Variants in KIAA1755 observed in about 807,000 individuals in gnomAD.
KIAA1755 encodes the protein uncharacterized protein KIAA1755.
KIAA1755 carries 68 observed loss-of-function variants against 91.7 expected under a neutral mutation model. That is an observed-to-expected ratio of 0.74 (90% CI 0.61 to 0.91). The LOEUF is 0.91. Among genes scored for constraint, KIAA1755 ranks in the 40% least tolerant of loss-of-function variants. The pLI is 0.00. For missense variants in KIAA1755, 1,535 were observed against 1,494.4 expected (o/e 1.03, Z -0.45); for synonymous variants, 610 against 604.6 (o/e 1.01, Z -0.13).
At chr20:38,219,834 C>T (rs1600572373) in intron 10 of KIAA1755, 66 bp from the exon 11 acceptor site, 7 of 1,580,080 alleles carry the variant, frequency 4.4e-6, no homozygotes, top group African/African-American at 2.7e-5. Flanking sequence ...ACTTCTGTCC[C>T]GCATAGGCCT....
rs777023050 is a variant in KIAA1755 at position 38,246,142 on chromosome 20, G to A, written c.4-16C>T. 2.5e-6 allele frequency: 4 copies of A among 1,605,524 alleles called. No homozygotes were observed. In the African/African-American group the frequency reaches 5.4e-5, roughly 21 times the overall value. On this transcript the variant is annotated splice_polypyrimidine_tract_variant and intron_variant, in intron 1 of 13. Coordinates refer to ENST00000279024, the MANE Select transcript of KIAA1755 (RefSeq NM_001029864.2). ...ATGGAGGGTCCTGTGGGGGACAGGA[G>A]GAGGGGGTGATAATAGCAATGATAA...
chr20:38,260,230 G>C (rs950598759), intron 1 of KIAA1755: 13 of 1,518,206 alleles, frequency 8.6e-6, no homozygotes, highest in Non-Finnish European at 1.1e-5. Context: ...CTCAGGTCTA[G>C]GGGTTGGGGA....
Position 38,239,599 on chromosome 20 carries a change from G to A in KIAA1755, c.1676C>T (p.Pro559Leu), listed in dbSNP as rs981410680. ...PERGPTLEEEPPGPEPRIGAL... is the reference protein window; with the variant it reads ...PERGPTLEEELPGPEPRIGAL... ...CCCAATCCTGGGCTCAGGCCCTGGG[G>A]GCTCCTCCTCCAGGGTGGGGCCTCT... is the stretch of plus-strand genomic sequence containing the variant. The change falls in exon 4 of 14, where the codon CCC (proline) becomes CTC (leucine). Residue 559 changes from proline (P) to leucine (L), a missense_variant. Physicochemically the swap from Pro to Leu is moderately conservative, Grantham distance 98 (BLOSUM62 -3). Coordinates refer to ENST00000279024, the MANE Select transcript of KIAA1755 (RefSeq NM_001029864.2). 6.2e-7 allele frequency: 1 copy of A among 1,607,748 alleles called. No homozygotes were observed. The highest frequency in any genetic ancestry group is 1.3e-5 in the African/African-American group (1 of 74,480).
chr20:38,239,683 G>A lies in KIAA1755; in HGVS notation c.1592C>T (p.Pro531Leu). 6.2e-7 allele frequency: 1 copy of A among 1,612,330 alleles called. No individual in the cohort carries two copies. The highest frequency in any genetic ancestry group is 1.1e-5 in the South Asian group (1 of 90,906). Residue 531 changes from proline (P) to leucine (L), a missense_variant, in exon 4 of 14, where the codon CCC becomes CTC. Pro to Leu is a moderately conservative substitution (Grantham distance 98, BLOSUM62 -3). Transcript: ENST00000279024. ...QTKTSGPATA[P>L]SPLTEEKAAL... ...AGCCTTTTCCTCAGTCAGTGGGCTG[G>A]GGGCAGTGGCTGGGCCAGATGTTTT... is the stretch of plus-strand genomic sequence containing the variant.
At chr20:38,216,952 T>G in intron 13 of KIAA1755, 7 of 614,060 alleles carry the variant, frequency 1.1e-5, no homozygotes, top group African/African-American at 1.8e-5. Flanking sequence ...CACAGACACA[T>G]CTATGTTCAA....
intron 12 of KIAA1755, 94 bp from the exon 13 acceptor site, chr20:38,217,568 C>T: frequency 2.4e-6 from 2 of 839,716 alleles, no homozygotes; most frequent in Non-Finnish European, 3.7e-6. Flanking sequence ...TGCTGGCGAG[C>T]CAGGAGACTT....
chr20:38,217,739 G>A (rs762508756), intron 12 of KIAA1755: 21 of 556,788 alleles, frequency 3.8e-5, no homozygotes, highest in Non-Finnish European at 5.4e-5. Flanking sequence ...GCCGGGCTCT[G>A]CTTAGATGTT....
At position 38,241,317 on chromosome 20, in the gene KIAA1755, C is replaced by G; in HGVS notation, c.814G>C (p.Glu272Gln). The G allele has an allele frequency of 6.2e-7, 1 of 1,614,178 alleles. No homozygotes were observed. The highest frequency in any genetic ancestry group is 8.5e-7 in the Non-Finnish European group (1 of 1,180,038). Residue 272 changes from glutamate (E) to glutamine (Q), a missense_variant, in exon 3 of 14, where the codon GAG (glutamate) becomes CAG (glutamine). Coordinates refer to ENST00000279024, the MANE Select transcript of KIAA1755 (RefSeq NM_001029864.2). ...RMDEVVSQDFEGDYVALLGFS... is the reference protein window; with the variant it reads ...RMDEVVSQDFQGDYVALLGFS... ...CCTAGGAGAGCCACATAGTCTCCCT[C>G]GAAGTCCTGGCTGACCACCTCGTCC...
Position 38,212,400 on chromosome 20 carries a change from C to G in KIAA1755, c.*642G>C, listed in dbSNP as rs1347935187. 1.3e-5 allele frequency: 2 copies of G among 152,210 alleles called. No individual in the cohort carries two copies. The highest frequency in any genetic ancestry group is 2.9e-5 in the Non-Finnish European group (2 of 68,102). The allele number at this position is 152,210 out of a possible 1,614,324, so 9.4% of individuals were successfully genotyped here. On this transcript the variant is annotated 3_prime_UTR_variant, in exon 14 of 14. Coordinates refer to ENST00000279024, the MANE Select transcript of KIAA1755 (RefSeq NM_001029864.2). Reference sequence around the variant, plus strand: ...TTGAGCCCAGGAGTTTGAGACCAGCCTGGGCAATGTAGTGAGGCCCCATCT... The same window carrying G: ...TTGAGCCCAGGAGTTTGAGACCAGCGTGGGCAATGTAGTGAGGCCCCATCT...
chr20:38,259,820 C>CA (rs367702495), intron 1 of KIAA1755, among the ~76,000 whole-genome samples: 177 of 138,794 alleles, frequency 1.3e-3, no homozygotes, highest in African/African-American at 4.8e-3. Context: ...ACCACCACCA[C>CA]CACACACACA....
chr20:38,240,952 T>C lies in KIAA1755; in HGVS notation c.1179A>G (p.Gln393=). The change falls in exon 3 of 14, where the codon CAA becomes CAG. Residue 393 remains glutamine (Q), a synonymous_variant. Transcript: ENST00000279024. The part of the protein sequence containing the change: ...CASGLRAGVS[Q]EPAASKMQGP... ...CCTGCATCTTGGAGGCAGCTGGCTC[T>C]TGTGAGACACCTGCCCTGAGACCAG... 1 of 1,614,102 alleles carries C rather than the reference T, an allele frequency of 6.2e-7. No individual in the cohort carries two copies. Among genetic ancestry groups the C allele is most frequent in the South Asian group, 1.1e-5 (1 of 91,086 alleles).
intron 13 of KIAA1755, among the ~76,000 whole-genome samples, chr20:38,216,243 G>C (rs1396738640): frequency 6.6e-6 from 1 of 152,222 alleles, no homozygotes; most frequent in African/African-American, 2.4e-5. Context: ...CCTGTATCGT[G>C]CTCTTAACTG....
At chr20:38,230,535 G>A (rs1032118277) in intron 5 of KIAA1755, among the ~76,000 whole-genome samples, 1 of 152,158 alleles carries the variant, frequency 6.6e-6, no homozygotes, top group Non-Finnish European at 1.5e-5. Context: ...CAGAAAATCT[G>A]GGGGATGGGC....
chr20:38,239,689 G>A lies in KIAA1755; in HGVS notation c.1586C>T (p.Thr529Ile), dbSNP rs1213505258. 1.9e-6 allele frequency: 3 copies of A among 1,612,390 alleles called. No homozygotes were observed. The highest frequency in any genetic ancestry group is 2.5e-6 in the Non-Finnish European group (3 of 1,179,744). ...TTQTKTSGPA[T>I]APSPLTEEKA... ...TTCCTCAGTCAGTGGGCTGGGGGCA[G>A]TGGCTGGGCCAGATGTTTTGGTCTG... Residue 529 changes from threonine (T) to isoleucine (I), a missense_variant, in exon 4 of 14, where the codon ACT becomes ATT. Physicochemically the swap from Thr to Ile is moderately conservative, Grantham distance 89. Transcript: ENST00000279024.
chr20:38,232,907 C>T (rs901698054), intron 4 of KIAA1755, among the ~76,000 whole-genome samples: 5 of 151,782 alleles, frequency 3.3e-5, no homozygotes, highest in Non-Finnish European at 7.4e-5. Context: ...GGCTTGAGCT[C>T]GGGAGTTCGA....
In KIAA1755 at chr20:38,260,650, C is replaced by T; in HGVS notation, c.-150G>A. 1 of 915,044 alleles carries T rather than the reference C, an allele frequency of 1.1e-6. No individual in the cohort carries two copies. The highest frequency in any genetic ancestry group is 1.5e-6 in the Non-Finnish European group (1 of 671,262). The allele number at this position is 915,044 out of a possible 1,614,324, so 56.7% of individuals were successfully genotyped here. On this transcript the variant is annotated 5_prime_UTR_variant, in exon 1 of 14. The change abolishes an upstream ATG in the 5' untranslated region. Transcript: ENST00000279024. Reference sequence around the variant, plus strand: ...AGGCCCGGGGCACCGACCCCGGCGTCATCTCGGAGGAGCGGCCGGGGAGGA... The same window carrying T: ...AGGCCCGGGGCACCGACCCCGGCGTTATCTCGGAGGAGCGGCCGGGGAGGA...
chr20:38,212,767 G>A lies in KIAA1755; in HGVS notation c.*275C>T. 2.8e-6 allele frequency: 1 copy of A among 360,976 alleles called. No homozygotes were observed. Among genetic ancestry groups the A allele is most frequent in the Non-Finnish European group, 5.0e-6 (1 of 199,054 alleles). The allele number at this position is 360,976 out of a possible 1,614,324, so 22.4% of individuals were successfully genotyped here. ...CTGTGCCGACAGGTCTTTCCACAAT[G>A]AGAGCCTGGAGGGATGGAGCCAATC... On this transcript the variant is annotated 3_prime_UTR_variant, in exon 14 of 14. Transcript: ENST00000279024.
intron 1 of KIAA1755, among the ~76,000 whole-genome samples, chr20:38,250,598 C>G (rs1299047238): frequency 6.6e-6 from 1 of 151,394 alleles, no homozygotes; most frequent in Non-Finnish European, 1.5e-5. Flanking sequence ...AACAGTTCCC[C>G]TGTATGGAGA....
In KIAA1755 at chr20:38,224,566, C is replaced by T. The variant is rs1360119955; in HGVS notation, c.2170-930G>A. ...TGCCCCCGGGGACATTCAGCAATGTCAGGAGACTTTTTTAATTGTCATAAT... is the reference window on the plus strand; with the variant it reads ...TGCCCCCGGGGACATTCAGCAATGTTAGGAGACTTTTTTAATTGTCATAAT... On this transcript the variant is annotated intron_variant, in intron 8 of 13. Coordinates refer to ENST00000279024, the MANE Select transcript of KIAA1755 (RefSeq NM_001029864.2). 2.0e-5 allele frequency among the ~76,000 whole-genome samples: 3 copies of T among 152,136 alleles called. No individual in the cohort carries two copies. The East Asian group carries it at 5.8e-4, about 29-fold the overall frequency.
Sources: allele counts gnomAD v4.1 joint callset (sites outside exome capture counted in the v4.1 genomes callset), GRCh38; gene constraint gnomAD v4.1.1; transcripts MANE v1.5; gene names NCBI Gene and HGNC (gene_info 2026-07-23, HGNC 2026-07-21).